GPATCH2: variants seen among roughly 807,000 people sequenced by gnomAD.
The protein encoded by GPATCH2 is G patch domain-containing protein 2.
A neutral mutation model predicts 58.0 loss-of-function variants in GPATCH2; 51 were observed. The ratio of observed to expected loss-of-function variants is 0.88; its 90% confidence interval spans 0.70 to 1.11. The LOEUF (loss-of-function observed/expected upper bound fraction) is 1.11. Among genes scored for constraint, GPATCH2 ranks in the 50% most tolerant of loss-of-function variants. The pLI is 0.00. For missense variants in GPATCH2, 625 were observed against 652.2 expected (o/e 0.96, Z 0.45); for synonymous variants, 222 against 218.5 (o/e 1.02, Z -0.14).
At chr1:217,587,952 TAAAG>T (rs1234864235) in intron 5 of GPATCH2, among the ~76,000 whole-genome samples, 1 of 152,136 alleles carries the variant, frequency 6.6e-6, no homozygotes, top group Non-Finnish European at 1.5e-5. Context: ...ACCTCAAAAA[TAAAG>T]AATGCATTGA....
intron 1 of GPATCH2, 126 bp downstream of exon 1, chr1:217,630,790 C>G: frequency 1.5e-6 from 1 of 665,668 alleles, no homozygotes; most frequent in Non-Finnish European, 2.6e-6. Flanking sequence ...TGAGTGAGAG[C>G]AAGGCCTAGA....
chr1:217,498,218 G>C, intron 7 of GPATCH2, 138 bp downstream of exon 7: 1 of 786,500 alleles, frequency 1.3e-6, no homozygotes, highest in East Asian at 2.4e-5. Flanking sequence ...GTATTTAATC[G>C]TTGACATAAT....
chr1:217,461,408 T>C (rs1168027810), intron 8 of GPATCH2, among the ~76,000 whole-genome samples: 2 of 152,166 alleles, frequency 1.3e-5, no homozygotes, highest in Non-Finnish European at 2.9e-5. Flanking sequence ...TACAGCTATA[T>C]ATGTACACAA....
At chr1:217,490,605 C>T (rs1661676952) in intron 8 of GPATCH2, among the ~76,000 whole-genome samples, 1 of 152,156 alleles carries the variant, frequency 6.6e-6, no homozygotes, top group African/African-American at 2.4e-5. Context: ...TTTCCTTTCA[C>T]TAATTATCTC....
chr1:217,495,623 C>G (rs1485459933), intron 7 of GPATCH2, among the ~76,000 whole-genome samples: 1 of 152,184 alleles, frequency 6.6e-6, no homozygotes, highest in African/African-American at 2.4e-5. Context: ...CCTTCCACCC[C>G]TGAACTAACT....
intron 5 of GPATCH2, among the ~76,000 whole-genome samples, chr1:217,518,516 C>T (rs904850591): frequency 7.2e-5 from 11 of 152,138 alleles, no homozygotes; most frequent in African/African-American, 2.7e-4. Flanking sequence ...TTAATTGTGT[C>T]ATTATCAAAC....
intron 5 of GPATCH2, among the ~76,000 whole-genome samples, chr1:217,569,504 G>A (rs1219529265): frequency 1.3e-5 from 2 of 152,026 alleles, no homozygotes; most frequent in African/African-American, 2.4e-5. Context: ...AGACCAGCCC[G>A]GCTAACGTGG....
intron 5 of GPATCH2, chr1:217,609,129 T>C (rs1668502606): frequency 4.6e-6 from 4 of 878,868 alleles, no homozygotes; most frequent in Non-Finnish European, 5.5e-6. Context: ...ATCATTTTAA[T>C]ATAACCATTT....
intron 5 of GPATCH2, among the ~76,000 whole-genome samples, chr1:217,539,906 A>C (rs1440150614): frequency 1.2e-5 from 1 of 86,170 alleles, no homozygotes; most frequent in Admixed American, 1.4e-4. Context: ...AAAAAACTTA[A>C]TGATATACAT....
chr1:217,617,627 T>C (rs1008600384), intron 2 of GPATCH2, among the ~76,000 whole-genome samples: 2 of 152,200 alleles, frequency 1.3e-5, no homozygotes, highest in African/African-American at 2.4e-5. Flanking sequence ...GCTTTGGAAG[T>C]AGTCTTGAAA....
chr1:217,565,676 C>T (rs1666189003), intron 5 of GPATCH2, among the ~76,000 whole-genome samples: 1 of 152,188 alleles, frequency 6.6e-6, no homozygotes, highest in South Asian at 2.1e-4. Context: ...AATTCATCAA[C>T]ATCTCCACAC....
chr1:217,611,827 C>T (rs1477093622), intron 3 of GPATCH2, among the ~76,000 whole-genome samples: 3 of 151,992 alleles, frequency 2.0e-5, no homozygotes, highest in South Asian at 4.2e-4. Flanking sequence ...GATGTTTTTG[C>T]CCAACAAAAC....
Position 217,431,317 on chromosome 1 carries a change from T to C in GPATCH2, c.1415A>G (p.Asn472Ser). 1 of 1,609,994 alleles carries C rather than the reference T, an allele frequency of 6.2e-7. No homozygotes were observed. Among genetic ancestry groups the C allele is most frequent in the Non-Finnish European group, 8.5e-7 (1 of 1,176,242 alleles). Reference protein sequence around the residue: ...AQPILENNIGNRMLQNMGWTP... With the variant: ...AQPILENNIGSRMLQNMGWTP... Reference sequence around the variant, plus strand: ...CCAGCCCATATTCTGAAGCATTCGGTTTCCAATATTATTTTCTAGGATTGG... The same window carrying C: ...CCAGCCCATATTCTGAAGCATTCGGCTTCCAATATTATTTTCTAGGATTGG... The change falls in exon 10 of 10, where the codon AAC becomes AGC. Residue 472 changes from asparagine (N) to serine (S), a missense_variant. Coordinates refer to ENST00000366935, the MANE Select transcript of GPATCH2 (RefSeq NM_018040.5).
intron 9 of GPATCH2, among the ~76,000 whole-genome samples, chr1:217,435,538 C>T (rs116541400): frequency 0.014 from 2,140 of 152,264 alleles, 32 homozygotes; most frequent in Middle Eastern, 0.044. Context: ...ATGCTGCTTC[C>T]CATAGAACAG....
intron 5 of GPATCH2, among the ~76,000 whole-genome samples, chr1:217,553,864 G>C (rs958799410): frequency 6.6e-6 from 1 of 152,186 alleles, no homozygotes; most frequent in African/African-American, 2.4e-5. Flanking sequence ...AAACAGGGTA[G>C]AAATGTTACA....
Position 217,460,494 on chromosome 1 carries a change from A to T in GPATCH2, c.1278-11157T>A, listed in dbSNP as rs1660155341. Among the ~76,000 whole-genome samples the T allele has an allele frequency of 2.0e-5, 3 of 152,246 alleles. No individual in the cohort carries two copies. The South Asian group carries it at 6.2e-4, about 31-fold the overall frequency. Reference sequence around the variant, plus strand: ...AAACCAATTTTCAAAGAGAATCCTCAACCAGCATATAAGGGCATTCTAGGC... The same window carrying T: ...AAACCAATTTTCAAAGAGAATCCTCTACCAGCATATAAGGGCATTCTAGGC... On this transcript the variant is annotated intron_variant, in intron 8 of 9. Transcript: ENST00000366935.
chr1:217,433,836 A>C (rs919477011), intron 9 of GPATCH2, among the ~76,000 whole-genome samples: 1 of 152,254 alleles, frequency 6.6e-6, no homozygotes, highest in African/African-American at 2.4e-5. Flanking sequence ...GGGAACAGCA[A>C]GTGAGTCACG....
At chr1:217,597,818 T>G (rs999716940) in intron 5 of GPATCH2, among the ~76,000 whole-genome samples, 1 of 152,106 alleles carries the variant, frequency 6.6e-6, no homozygotes, top group Non-Finnish European at 1.5e-5. Flanking sequence ...AGGCATATCG[T>G]TCTCTCTGCA....
intron 5 of GPATCH2, among the ~76,000 whole-genome samples, chr1:217,591,056 A>C (rs950413674): frequency 1.3e-5 from 2 of 152,192 alleles, no homozygotes; most frequent in African/African-American, 2.4e-5. Flanking sequence ...AAACAATTTA[A>C]ATTAGAACTC....
Sources: gnomAD v4.1 joint callset for allele counts (sites outside exome capture counted in the v4.1 genomes callset) on GRCh38, gnomAD v4.1.1 for gene constraint, MANE v1.5 for transcripts, NCBI Gene and HGNC (gene_info 2026-07-23, HGNC 2026-07-21) for gene names.